SPATA6L: variants seen among roughly 807,000 people sequenced by gnomAD.
The protein encoded by SPATA6L is spermatogenesis associated 6 like.
SPATA6L carries 68 observed loss-of-function variants against 49.2 expected under a neutral mutation model. The observed-to-expected ratio is 1.38, with a 90% CI of 1.14 to 1.69. SPATA6L has a LOEUF of 1.69. SPATA6L is among the 40% of genes most tolerant of loss of function. The pLI, the probability that SPATA6L is intolerant of heterozygous loss-of-function variation, is 0.00. For missense variants in SPATA6L, 668 were observed against 464.3 expected, an observed-to-expected ratio of 1.44 and a Z score of -4.03; for synonymous variants, 198 against 165.7, an observed-to-expected ratio of 1.19 and a Z score of -1.50.
chr9:4,614,667 T>A (rs1827547662), intron 9 of SPATA6L, among the ~76,000 whole-genome samples: 1 of 151,900 alleles, frequency 6.6e-6, no homozygotes, highest in South Asian at 2.1e-4. Flanking sequence ...TACCTGGGAC[T>A]CAGGGGTTTC....
At chr9:4,601,584 C>G (rs1406637247) in intron 11 of SPATA6L, among the ~76,000 whole-genome samples, 1 of 152,156 alleles carries the variant, frequency 6.6e-6, no homozygotes, top group Non-Finnish European at 1.5e-5. Context: ...CTCAAGAATC[C>G]CTGACCTTTT....
At chr9:4,605,622 G>T (rs1345981796) in intron 9 of SPATA6L, among the ~76,000 whole-genome samples, 182 bp from the exon 10 acceptor site, 1 of 152,188 alleles carries the variant, frequency 6.6e-6, no homozygotes, top group Admixed American at 6.5e-5. Context: ...AAGCACTGGG[G>T]AATAAAAACT....
intron 9 of SPATA6L, among the ~76,000 whole-genome samples, chr9:4,607,289 G>A (rs939721450): frequency 6.6e-6 from 1 of 152,078 alleles, no homozygotes; most frequent in Non-Finnish European, 1.5e-5. Flanking sequence ...AGGAAATACA[G>A]AGAATGCCAC....
Position 4,662,618 on chromosome 9 carries a change from G to C in SPATA6L, c.40-582C>G, listed in dbSNP as rs1840108045. The stretch of plus-strand genomic sequence containing the variant: ...TGGCCGCGGCGGGCCCCTCGCAGTC[G>C]CCCGCGCCTCCGCTGCCCGAGGAGG... On this transcript the variant is annotated intron_variant, in intron 1 of 11. Transcript: ENST00000682582. This position sits in a 1 kb window ranked among gnomAD's most constrained non-coding sequence, Gnocchi z 4.9. 4 of 1,595,750 alleles carry C rather than the reference G, an allele frequency of 2.5e-6. No homozygotes were observed. The East Asian group carries it at 8.9e-5, about 36-fold the overall frequency.
intron 3 of SPATA6L, among the ~76,000 whole-genome samples, chr9:4,639,902 G>C (rs2065182): frequency 0.44 from 66,777 of 152,142 alleles, 17,827 homozygotes; most frequent in Non-Finnish European, 0.59. Context: ...CTGAGGCTCT[G>C]AGAGTTTGAC....
In SPATA6L at chr9:4,604,164, T is replaced by C; in HGVS notation, c.*1+15A>G. 1 of 1,568,316 alleles carries C rather than the reference T, an allele frequency of 6.4e-7. No individual in the cohort carries two copies. The highest frequency in any genetic ancestry group is 8.7e-7 in the Non-Finnish European group (1 of 1,149,272). On this transcript the variant is annotated intron_variant, in intron 11 of 11. Transcript: ENST00000682582. ...AGGAGAAGCACTTAAGCTGCTTACT[T>C]ACATAAGACAGTACCTTAAAAATAT... is the stretch of plus-strand genomic sequence containing the variant.
intron 3 of SPATA6L, among the ~76,000 whole-genome samples, chr9:4,647,446 G>T (rs1835664538): frequency 6.6e-6 from 1 of 152,054 alleles, no homozygotes; most frequent in African/African-American, 2.4e-5. Flanking sequence ...ACAAAAATTA[G>T]CCAGGCATGG....
chr9:4,597,646 T>C (rs1380556864), downstream of SPATA6L, among the ~76,000 whole-genome samples: 1 of 152,144 alleles, frequency 6.6e-6, no homozygotes, highest in Non-Finnish European at 1.5e-5. Context: ...AGATTCAGTG[T>C]GGAGGATGGG....
intron 9 of SPATA6L, chr9:4,617,590 T>TTTCCACTTTTTTTTCTGTAATTTTC: frequency 4.8e-6 from 1 of 210,524 alleles, no homozygotes; most frequent in Non-Finnish European, 9.3e-6. Flanking sequence ...AGGTAATTTT[T>TTTCCACTTTTTTTTCTGTAATTTTC]TTCCACTTTT....
At chr9:4,643,775 C>T (rs1017841327) in intron 3 of SPATA6L, among the ~76,000 whole-genome samples, 1 of 152,142 alleles carries the variant, frequency 6.6e-6, no homozygotes, top group African/African-American at 2.4e-5. Flanking sequence ...GAGGCCGAAG[C>T]AGGCAGATCA....
chr9:4,646,767 G>A (rs1429984324), intron 3 of SPATA6L, among the ~76,000 whole-genome samples: 1 of 152,084 alleles, frequency 6.6e-6, no homozygotes, highest in Admixed American at 6.6e-5. Context: ...AAAAGAACAA[G>A]CGTTCATGTC....
chr9:4,591,025 G>A (rs113701117), intron 13 of SPATA6L, among the ~76,000 whole-genome samples: 45 of 152,102 alleles, frequency 3.0e-4, no homozygotes, highest in South Asian at 2.1e-4. Context: ...TCTGGCTGCA[G>A]GGGAAGGTGT....
intron 1 of SPATA6L, chr9:4,663,987 C>G (rs1056762572): frequency 6.0e-6 from 1 of 167,070 alleles, no homozygotes; most frequent in Non-Finnish European, 1.5e-5. Context: ...TGTCTTTTAG[C>G]ATTCAGAGAA....
At chr9:4,590,515 T>A (rs1406437927) in intron 13 of SPATA6L, among the ~76,000 whole-genome samples, 1 of 152,176 alleles carries the variant, frequency 6.6e-6, no homozygotes, top group African/African-American at 2.4e-5. Context: ...TTTTAAGGTA[T>A]CACCAAGTTC....
In SPATA6L at chr9:4,656,093, C is replaced by T; in HGVS notation, c.178-4G>A. On this transcript the variant is annotated splice_polypyrimidine_tract_variant and splice_region_variant and intron_variant, in intron 2 of 11. Transcript: ENST00000682582. ...GATCTACTGCACTTTCAAATACCTG[C>T]AGAGAAAAATGGGGAAAATAAATTT... is the stretch of plus-strand genomic sequence containing the variant. The T allele has an allele frequency of 6.2e-7, 1 of 1,611,200 alleles. No homozygotes were observed. Among genetic ancestry groups the T allele is most frequent in the South Asian group, 1.1e-5 (1 of 90,676 alleles).
intron 2 of SPATA6L, among the ~76,000 whole-genome samples, chr9:4,656,751 C>A (rs1190647405): frequency 6.6e-6 from 1 of 152,098 alleles, no homozygotes; most frequent in Non-Finnish European, 1.5e-5. Flanking sequence ...TGCTAAAAGC[C>A]CATCTTAAAT....
At position 4,606,797 on chromosome 9, in the gene SPATA6L, C is replaced by T. The variant is rs1209623592; in HGVS notation, c.996-1357G>A. Among the ~76,000 whole-genome samples the T allele has an allele frequency of 3.3e-4, 48 of 146,998 alleles. 1 individual carries two copies. The highest frequency in any genetic ancestry group is 3.6e-3 in the Middle Eastern group (1 of 280). ...CAATGGAACAAAGCTGGACGGAGAA[C>T]GACTTCGACGAGCTGAGAGAAGAAG... On this transcript the variant is annotated intron_variant, in intron 9 of 11. Coordinates refer to ENST00000682582, the MANE Select transcript of SPATA6L (RefSeq NM_001353486.2).
At chr9:4,639,830 G>C (rs77269751) in intron 3 of SPATA6L, among the ~76,000 whole-genome samples, 2,967 of 152,298 alleles carry the variant, frequency 0.019, 49 homozygotes, top group East Asian at 0.074. Context: ...GAGCATGTCA[G>C]AATTGACAGC....
chr9:4,604,411 T>C (rs1484925196), intron 10 of SPATA6L, 142 bp from the exon 11 acceptor site: 19 of 506,054 alleles, frequency 3.8e-5, no homozygotes, highest in Middle Eastern at 8.5e-4. Context: ...TGTGTGTATA[T>C]AGAATCTTTC....
Sources: gnomAD v4.1 joint callset for allele counts (sites outside exome capture counted in the v4.1 genomes callset) on GRCh38, gnomAD v4.1.1 for gene constraint, Gnocchi (gnomAD v3.1) non-coding constraint, MANE v1.5 for transcripts, NCBI Gene and HGNC (gene_info 2026-07-23, HGNC 2026-07-21) for gene names.